The following HLA-DQB1 variants were observed in gnomAD, a reference collection of about 807,000 sequenced individuals.
HLA-DQB1 encodes HLA class II histocompatibility antigen, DQ beta 1 chain.
A neutral mutation model predicts 26.4 loss-of-function variants in HLA-DQB1; 13 were observed. The ratio of observed to expected loss-of-function variants is 0.49; its 90% CI spans 0.32 to 0.78. The LOEUF is 0.78. Among genes scored for constraint, HLA-DQB1 ranks in the 30% least tolerant of loss-of-function variants. The pLI, the probability that HLA-DQB1 is intolerant of heterozygous loss-of-function variation, is 0.03. For synonymous variants in HLA-DQB1, 60 were observed against 129.1 expected (o/e 0.46, Z 3.63); for missense variants, 158 against 326.2 (o/e 0.48, Z 3.97).
Position 32,664,858 on chromosome 6 carries a change from A to G in HLA-DQB1, c.319T>C (p.Leu107=), listed in dbSNP as rs9274384. The G allele has an allele frequency of 1.8e-4, 197 of 1,067,978 alleles. 22 individuals are homozygous for G. Among genetic ancestry groups the G allele is most frequent in the Non-Finnish European group, 2.3e-4 (173 of 737,814 alleles). 66.2% of individuals were successfully genotyped at this position (1,067,978 alleles called of 1,614,324 possible). A position where few individuals can be genotyped will look rare whatever the true frequency, so the allele number is the denominator to read the frequency against. ...TAGTTGTGTCTGCACACCGTGTCCA[A>G]CTCCGCCCGGGTCCCCTCCAGGACT... Residue 107 remains leucine, a synonymous_variant, in exon 2 of 5, where the codon TTG becomes CTG. Coordinates refer to ENST00000434651, the Ensembl canonical transcript of HLA-DQB1.
intron 1 of HLA-DQB1, 28 bp from the exon 2 acceptor site, chr6:32,665,095 A>C (rs9274411): frequency 0.19 from 211,029 of 1,114,152 alleles, 46,107 homozygotes; most frequent in Middle Eastern, 0.34. Context: ...CCGGTCAGTC[A>C]GGCCCCAGCC....
exon 3 of HLA-DQB1, chr6:32,661,975 A>G (rs281864132): frequency 1.9e-6 from 3 of 1,547,088 alleles, no homozygotes; most frequent in East Asian, 2.3e-5. Flanking sequence ...ACGCCACTCC[A>G]CGGTGATGGG....
intron 4 of HLA-DQB1, chr6:32,660,915 A>T (rs1233331538): frequency 2.0e-6 from 3 of 1,477,236 alleles, no homozygotes; most frequent in Non-Finnish European, 2.7e-6. Flanking sequence ...GAAAGGTCTC[A>T]TTACACAAAC....
chr6:32,666,631 T>C, exon 1 of HLA-DQB1: 1 of 874,050 alleles, frequency 1.1e-6, no homozygotes, highest in Non-Finnish European at 1.8e-6. Context: ...GGAAAAGCAG[T>C]GGTAGTCAAC....
At chr6:32,660,678 C>A in intron 4 of HLA-DQB1, 1 of 428,816 alleles carries the variant, frequency 2.3e-6, no homozygotes, top group Non-Finnish European at 4.2e-6. Flanking sequence ...AAAGTTAAGG[C>A]TTGGTTCTGG....
chr6:32,665,603 G>A (rs281861581), intron 1 of HLA-DQB1, among the ~76,000 whole-genome samples: 54,877 of 111,248 alleles, frequency 0.49, 16,127 homozygotes, highest in East Asian at 0.67. Flanking sequence ...CTTCTATGTT[G>A]GAAAGGACCT....
In HLA-DQB1 at chr6:32,661,433, C is replaced by T. The variant is rs1130429; in HGVS notation, c.686G>A (p.Ser229Asn). 16,193 of 1,185,034 alleles carry T rather than the reference C, an allele frequency of 0.014. 2,464 individuals are homozygous for T. In the East Asian group the frequency reaches 0.18, roughly 13 times the overall value. 73.4% of individuals were successfully genotyped at this position (1,185,034 alleles called of 1,614,324 possible). ...GCCTCCAACGCCACTCAGCATCTTG[C>T]TCTGGGCAGATTCAGACTGAGCCCC... The change falls in exon 4 of 5, where the codon AGC (serine) becomes AAC (asparagine). Residue 229 changes from serine (S) to asparagine (N), a missense_variant. By Grantham distance (46) the Ser-to-Asn change is conservative (BLOSUM62 1). Transcript: ENST00000434651.
rs9273609 is a variant in HLA-DQB1 at position 32,661,335 on chromosome 6, G to A, written c.772+12C>T. 27,018 of 1,412,316 alleles carry A rather than the reference G, an allele frequency of 0.019. 2,180 individuals are homozygous for A. The highest frequency in any genetic ancestry group is 0.17 in the East Asian group (6,227 of 36,970). 87.5% of individuals were successfully genotyped at this position (1,412,316 alleles called of 1,614,324 possible). On this transcript the variant is annotated intron_variant, in intron 4 of 4. Coordinates refer to ENST00000434651, the Ensembl canonical transcript of HLA-DQB1. ...ACAGCCCATCTTCCCCTTTTCCCCT[G>A]GGGTTCCTCACCTTTCTGACTCCTT...
chr6:32,662,405 A>G (rs9274109), intron 2 of HLA-DQB1, 157 bp from the exon 3 acceptor site: 1 of 374,010 alleles, frequency 2.7e-6, no homozygotes, highest in African/African-American at 2.4e-5. Context: ...AAATTTGACA[A>G]TCACTGAGAA....
chr6:32,659,860 T>C, exon 5 of HLA-DQB1: 1 of 161,688 alleles, frequency 6.2e-6, no homozygotes, highest in Non-Finnish European at 1.3e-5. Context: ...CTGCCTCTTC[T>C]CAATTAAGAA....
chr6:32,661,662 G>A (rs9273774), intron 3 of HLA-DQB1: 111,968 of 373,780 alleles, frequency 0.3, 32,567 homozygotes, highest in Non-Finnish European at 0.32. Context: ...GCAAATCTCT[G>A]CTCTTCAAGA....
In HLA-DQB1 at chr6:32,661,886, G is replaced by T. The variant is rs281864191; in HGVS notation, c.661+81C>A. 13 of 1,061,918 alleles carry T rather than the reference G, an allele frequency of 1.2e-5. No individual in the cohort carries two copies. The East Asian group carries it at 2.6e-4, about 22-fold the overall frequency. 65.8% of individuals were successfully genotyped at this position (1,061,918 alleles called of 1,614,324 possible). A position where few individuals can be genotyped will look rare whatever the true frequency, so the allele number is the denominator to read the frequency against. On this transcript the variant is annotated intron_variant, in intron 3 of 4. Transcript: ENST00000434651. Reference sequence around the variant, plus strand: ...TTCCCAGCTCAGTAGTGACATCAGGGATAAGAGATGGGAAGGAATGGGTCA... The same window carrying T: ...TTCCCAGCTCAGTAGTGACATCAGGTATAAGAGATGGGAAGGAATGGGTCA...
In HLA-DQB1 at chr6:32,661,959, C is replaced by A. The variant is rs9273911; in HGVS notation, c.661+8G>T. On this transcript the variant is annotated splice_region_variant and intron_variant, in intron 3 of 4. Coordinates refer to ENST00000434651, the Ensembl canonical transcript of HLA-DQB1. ...GCCCATAGTAACAGAAACTCAATAT[C>A]CCCTTACGCCACTCCACGGTGATGG... 6.6e-7 allele frequency: 1 copy of A among 1,517,532 alleles called. No individual in the cohort carries two copies. Among genetic ancestry groups the A allele is most frequent in the Non-Finnish European group, 8.9e-7 (1 of 1,121,110 alleles). The allele number at this position is 1,517,532 out of a possible 1,614,324, so 94.0% of individuals were successfully genotyped here.
intron 4 of HLA-DQB1, chr6:32,660,492 T>A: frequency 2.8e-6 from 1 of 358,510 alleles, no homozygotes; most frequent in Non-Finnish European, 5.0e-6. Context: ...ATATGAAGGG[T>A]TCAGTCTTTT....
chr6:32,661,916 G>T (rs281864169), intron 3 of HLA-DQB1, 51 bp downstream of exon 3: 3 of 1,113,246 alleles, frequency 2.7e-6, no homozygotes, highest in Non-Finnish European at 3.7e-6. Context: ...GGGTCAGAAG[G>T]AGCTCTTTGT....
chr6:32,660,643 C>T lies in HLA-DQB1; in HGVS notation c.773-394G>A, dbSNP rs9273505. ...TAACATTTAAGCTGTGGTTCTGGCT[C>T]CACATTTCACAAGAAGATGCCACCA... On this transcript the variant is annotated intron_variant, in intron 4 of 4. Transcript: ENST00000434651. The T allele has an allele frequency of 0.24, 95,432 of 395,080 alleles. 16,508 individuals are homozygous for T. Among genetic ancestry groups the T allele is most frequent in the Admixed American group, 0.38 (8,357 of 22,216 alleles). 24.5% of individuals were successfully genotyped at this position (395,080 alleles called of 1,614,324 possible).
exon 1 of HLA-DQB1, chr6:32,666,536 C>G (rs1049059): frequency 0.25 from 287,445 of 1,165,514 alleles, 74,439 homozygotes; most frequent in South Asian, 0.27. Flanking sequence ...GGGAGCTCAG[C>G]ATCGCCAGCA....
chr6:32,664,734 TCCCG>T lies in HLA-DQB1; in HGVS notation c.379+60_379+63del. On this transcript the variant is annotated intron_variant, in intron 2 of 4. Coordinates refer to ENST00000434651, the Ensembl canonical transcript of HLA-DQB1. ...TCAGAGACCTCGCCCCCATCGCCCC[TCCCG>T]GCACAGAAACTCGGGGTCTCGGCCA... 1.4e-5 allele frequency: 8 copies of T among 557,600 alleles called. 4 individuals are homozygous for T. Among genetic ancestry groups the T allele is most frequent in the Non-Finnish European group, 2.0e-5 (8 of 399,842 alleles). 34.5% of individuals were successfully genotyped at this position (557,600 alleles called of 1,614,324 possible).
intron 3 of HLA-DQB1, chr6:32,661,723 C>G: frequency 2.4e-6 from 1 of 425,222 alleles, no homozygotes; most frequent in South Asian, 3.3e-5. Flanking sequence ...CCCTAAGAAT[C>G]AGTCCCTCAG....
Sources: allele counts gnomAD v4.1 joint callset (sites outside exome capture counted in the v4.1 genomes callset), GRCh38; gene constraint gnomAD v4.1.1; transcripts MANE v1.5; gene names NCBI Gene and HGNC (gene_info 2026-07-23, HGNC 2026-07-21).